The following KCNB2 variants were observed in gnomAD, a reference collection of about 807,000 sequenced individuals.
The protein encoded by KCNB2 is potassium voltage-gated channel subfamily B member 2.
KCNB2 carries 15 observed loss-of-function variants against 61.5 expected under a neutral mutation model. The ratio of observed to expected loss-of-function variants is 0.24; its 90% CI spans 0.16 to 0.38. KCNB2 has a LOEUF of 0.38. Ranked by LOEUF, KCNB2 falls within the 10% of genes least tolerant of loss-of-function variation. The pLI, the probability that KCNB2 is intolerant of heterozygous loss-of-function variation, is 1.00. For missense variants in KCNB2, 828 were observed against 1,125.2 expected (o/e 0.74, Z 3.78); for synonymous variants, 457 against 446.0 (o/e 1.02, Z -0.31).
chr8:72,809,847 T>C (rs923712569), intron 2 of KCNB2, among the ~76,000 whole-genome samples: 15 of 152,196 alleles, frequency 9.9e-5, no homozygotes, highest in African/African-American at 3.6e-4. Flanking sequence ...TTTGCAAAGG[T>C]ACTTCATTTT....
chr8:72,692,155 G>A (rs1015484596), intron 2 of KCNB2, among the ~76,000 whole-genome samples: 3 of 146,158 alleles, frequency 2.1e-5, no homozygotes, highest in African/African-American at 2.6e-5. Context: ...AGAATGGCAT[G>A]AACCTGGGAG....
chr8:72,746,169 C>G (rs1047602281), intron 2 of KCNB2, among the ~76,000 whole-genome samples: 1 of 152,098 alleles, frequency 6.6e-6, no homozygotes, highest in East Asian at 1.9e-4. Flanking sequence ...GTTATTCATC[C>G]TAGGCATTAA....
chr8:72,685,712 G>A (rs1458201833), intron 2 of KCNB2, among the ~76,000 whole-genome samples: 5 of 152,294 alleles, frequency 3.3e-5, no homozygotes, highest in Admixed American at 1.3e-4. Flanking sequence ...GGTCCAGGCC[G>A]GGTGCAGTGG....
chr8:72,733,125 G>A (rs1452295832), intron 2 of KCNB2, among the ~76,000 whole-genome samples: 1 of 152,118 alleles, frequency 6.6e-6, no homozygotes, highest in Non-Finnish European at 1.5e-5. Flanking sequence ...CAAACGTGAA[G>A]GTTATTGTTA....
intron 2 of KCNB2, among the ~76,000 whole-genome samples, chr8:72,720,053 A>G (rs1177323610): frequency 2.0e-5 from 3 of 152,154 alleles, no homozygotes; most frequent in South Asian, 2.1e-4. Context: ...CTAATTACCC[A>G]TTTTATCTCC....
intron 1 of KCNB2, among the ~76,000 whole-genome samples, chr8:72,561,729 C>CG (rs1806525341): frequency 4.9e-5 from 1 of 20,404 alleles, no homozygotes; most frequent in Non-Finnish European, 7.8e-5. Flanking sequence ...ATATATATAT[C>CG]TATATCTATA....
intron 2 of KCNB2, among the ~76,000 whole-genome samples, chr8:72,846,009 C>A (rs1218823923): frequency 6.7e-6 from 1 of 149,568 alleles, no homozygotes; most frequent in Non-Finnish European, 1.5e-5. Context: ...AAAACTCTGG[C>A]AGCTAGCTTG....
intron 2 of KCNB2, among the ~76,000 whole-genome samples, chr8:72,693,537 T>TA (rs377645428): frequency 1.3e-3 from 193 of 152,202 alleles, no homozygotes; most frequent in African/African-American, 4.1e-3. Context: ...CTCTGTGTTC[T>TA]AAAAAAAGCA....
intron 2 of KCNB2, among the ~76,000 whole-genome samples, chr8:72,806,623 A>C (rs927048568): frequency 6.6e-6 from 1 of 152,122 alleles, no homozygotes; most frequent in African/African-American, 2.4e-5. Context: ...TCAAAAAAAA[A>C]AAAGATGAAT....
intron 2 of KCNB2, among the ~76,000 whole-genome samples, chr8:72,696,777 T>C (rs1477418638): frequency 2.0e-5 from 3 of 152,190 alleles, no homozygotes; most frequent in Non-Finnish European, 4.4e-5. Context: ...TGCTAAAAGT[T>C]TCTCATTTAG....
intron 2 of KCNB2, among the ~76,000 whole-genome samples, chr8:72,595,566 C>T (rs1362328686): frequency 3.3e-5 from 5 of 152,010 alleles, no homozygotes; most frequent in Admixed American, 1.3e-4. Context: ...CCTCGTGATC[C>T]GCCCACGTCG....
At chr8:72,699,829 G>A (rs1402613853) in intron 2 of KCNB2, among the ~76,000 whole-genome samples, 2 of 152,114 alleles carry the variant, frequency 1.3e-5, no homozygotes, top group Admixed American at 1.3e-4. Context: ...ATTTGACCCA[G>A]CAATCCCATT....
intron 2 of KCNB2, among the ~76,000 whole-genome samples, chr8:72,664,987 C>CT (rs1419893430): frequency 1.3e-5 from 2 of 152,040 alleles, no homozygotes; most frequent in African/African-American, 4.8e-5. Flanking sequence ...GACTGCAGTG[C>CT]TGAGAGCCAA....
chr8:72,848,542 C>G (rs1563403466), intron 2 of KCNB2, among the ~76,000 whole-genome samples: 4 of 152,138 alleles, frequency 2.6e-5, no homozygotes, highest in African/African-American at 9.7e-5. Flanking sequence ...AAAGGAAACT[C>G]TAAATGCTTA....
chr8:72,586,555 G>C (rs1807003552), intron 2 of KCNB2, among the ~76,000 whole-genome samples: 1 of 152,208 alleles, frequency 6.6e-6, no homozygotes, highest in Non-Finnish European at 1.5e-5. Context: ...AGAAGGACAT[G>C]ATGTCTGGGA....
chr8:72,695,105 A>C (rs891774574), intron 2 of KCNB2, among the ~76,000 whole-genome samples: 1 of 152,122 alleles, frequency 6.6e-6, no homozygotes, highest in Non-Finnish European at 1.5e-5. Context: ...GTTTAGAGGA[A>C]TCATTTGAGG....
chr8:72,934,954 G>A (rs1193770324), intron 2 of KCNB2, among the ~76,000 whole-genome samples: 1 of 151,924 alleles, frequency 6.6e-6, no homozygotes, highest in African/African-American at 2.4e-5. Context: ...CCTGTCCTTG[G>A]CCTTTGTCCT....
At position 72,655,807 on chromosome 8, in the gene KCNB2, A is replaced by G. The variant is rs529200174; in HGVS notation, c.579+87494A>G. On this transcript the variant is annotated intron_variant, in intron 2 of 2. Coordinates refer to ENST00000523207, the MANE Select transcript of KCNB2 (RefSeq NM_004770.3). ...TTATTCTAAAAGATGGCATGGATAC[A>G]TCTACCTGAGACTCAGTCTTTTCTT... Among the ~76,000 whole-genome samples the G allele has an allele frequency of 3.3e-5, 5 of 152,286 alleles. No individual in the cohort carries two copies. The South Asian group carries it at 1.0e-3, about 32-fold the overall frequency.
At chr8:72,659,963 A>G (rs1410271097) in intron 2 of KCNB2, among the ~76,000 whole-genome samples, 1 of 152,194 alleles carries the variant, frequency 6.6e-6, no homozygotes, top group African/African-American at 2.4e-5. Context: ...TTAACCTGCA[A>G]TGTCTCCAAG....
Sources: gnomAD v4.1 joint callset for allele counts (sites outside exome capture counted in the v4.1 genomes callset) on GRCh38, gnomAD v4.1.1 for gene constraint, MANE v1.5 for transcripts, NCBI Gene and HGNC (gene_info 2026-07-23, HGNC 2026-07-21) for gene names.